PCAT7: variants seen among roughly 807,000 people sequenced by gnomAD.
PCAT7 encodes the protein prostate cancer associated transcript 7.
intron 2 of PCAT7, among the ~76,000 whole-genome samples, chr9:94,561,761 CACAG>C (rs900519633): frequency 5.9e-5 from 9 of 152,158 alleles, no homozygotes; most frequent in Non-Finnish European, 1.3e-4. Context: ...GACACACACA[CACAG>C]AGAGACGTCG....
chr9:94,554,793 AGCTCCAG>A (rs796798447), upstream of PCAT7, among the ~76,000 whole-genome samples: 1 of 152,160 alleles, frequency 6.6e-6, no homozygotes, highest in African/African-American at 2.4e-5. Flanking sequence ...CCAGGCTCCA[AGCTCCAG>A]GCTCCAGGGG....
intron 2 of PCAT7, among the ~76,000 whole-genome samples, chr9:94,565,074 A>G (rs1290300569): frequency 6.6e-6 from 1 of 152,174 alleles, no homozygotes; most frequent in East Asian, 1.9e-4. Flanking sequence ...TTATATGTCA[A>G]TTAAAAATAA....
intron 1 of PCAT7, among the ~76,000 whole-genome samples, chr9:94,557,240 A>T (rs1011640453): frequency 1.1e-4 from 16 of 152,252 alleles, no homozygotes; most frequent in African/African-American, 3.9e-4. Flanking sequence ...TAATTTTAAG[A>T]TTCTTTTTCT....
intron 2 of PCAT7, among the ~76,000 whole-genome samples, chr9:94,562,401 A>G (rs1314498571): frequency 6.6e-6 from 1 of 151,212 alleles, no homozygotes; most frequent in East Asian, 1.9e-4. Flanking sequence ...TTCCTTCAGC[A>G]CCACTTCTGC....
At chr9:94,563,108 G>T (rs533027526) in intron 2 of PCAT7, among the ~76,000 whole-genome samples, 5 of 152,164 alleles carry the variant, frequency 3.3e-5, no homozygotes, top group Admixed American at 6.5e-5. Context: ...GAGGCTGGAG[G>T]GGGTAAGACC....
chr9:94,568,790 C>A (rs187934878), intron 2 of PCAT7: 1 of 152,310 alleles, frequency 6.6e-6, no homozygotes, highest in East Asian at 1.9e-4. Context: ...TCAGTGACTT[C>A]AATCTCTCTG....
chr9:94,562,172 G>A (rs758683050), intron 2 of PCAT7, among the ~76,000 whole-genome samples: 7 of 152,016 alleles, frequency 4.6e-5, no homozygotes, highest in Non-Finnish European at 8.8e-5. Context: ...TTAGCCAGGC[G>A]TGGTGGCGGG....
intron 2 of PCAT7, chr9:94,567,371 T>A (rs1827205524): frequency 6.2e-7 from 1 of 1,614,034 alleles, no homozygotes; most frequent in African/African-American, 1.3e-5. Flanking sequence ...TTCTTAATCT[T>A]GACATCTTTT....
intron 2 of PCAT7, among the ~76,000 whole-genome samples, chr9:94,565,825 A>G (rs945920557): frequency 1.3e-5 from 2 of 152,190 alleles, no homozygotes; most frequent in Non-Finnish European, 2.9e-5. Context: ...GAGCGAGGGC[A>G]GGAGGGAGGG....
At chr9:94,573,024 C>G (rs1396629823) in exon 3 of PCAT7, 1 of 152,150 alleles carries the variant, frequency 6.6e-6, no homozygotes. Flanking sequence ...TCTGCAAGAA[C>G]AGTGTTATTA....
At chr9:94,570,124 T>A (rs549568113) in intron 2 of PCAT7, 1 of 152,348 alleles carries the variant, frequency 6.6e-6, no homozygotes, top group African/African-American at 2.4e-5. Context: ...TGCCCACCTA[T>A]GTCCAGACTG....
chr9:94,555,353 A>C (rs1033351257), intron 1 of PCAT7: 15 of 151,962 alleles, frequency 9.9e-5, no homozygotes, highest in African/African-American at 3.6e-4. Flanking sequence ...GAGGTGGGTA[A>C]AGAGTGTGGT....
upstream of PCAT7, chr9:94,554,968 A>G (rs973860084): frequency 5.9e-5 from 9 of 152,224 alleles, no homozygotes; most frequent in Non-Finnish European, 1.0e-4. Flanking sequence ...GATGAGAGAA[A>G]AACCTCTAGG....
intron 2 of PCAT7, among the ~76,000 whole-genome samples, chr9:94,565,416 A>C (rs1441818072): frequency 6.7e-6 from 1 of 149,918 alleles, no homozygotes; most frequent in Non-Finnish European, 1.5e-5. Flanking sequence ...TTGAGGGTGG[A>C]GTATCTTACA....
At chr9:94,569,664 C>T (rs1013882087) in intron 2 of PCAT7, 3 of 152,208 alleles carry the variant, frequency 2.0e-5, no homozygotes, top group African/African-American at 7.2e-5. Flanking sequence ...GGCTCTCATA[C>T]ACCCTGTTAC....
chr9:94,560,774 T>G (rs1246098565), intron 2 of PCAT7, among the ~76,000 whole-genome samples: 1 of 148,336 alleles, frequency 6.7e-6, no homozygotes, highest in Non-Finnish European at 1.5e-5. Context: ...TGTTATTATA[T>G]ATTTTTTCTA....
Position 94,565,974 on chromosome 9 carries a change from T to G in PCAT7, n.441+6822T>G, listed in dbSNP as rs74418004. 7.8e-3 allele frequency among the ~76,000 whole-genome samples: 1,182 copies of G among 152,262 alleles called. 20 individuals carry two copies. The highest frequency in any genetic ancestry group is 0.027 in the African/African-American group (1,133 of 41,544). On this transcript the variant is annotated intron_variant and non_coding_transcript_variant, in intron 2 of 8. Transcript: ENST00000647389. ...CATCCTTGGCCCACATCTGCTTATT[T>G]TGAGAGTGTTCTGAGAAAGCCACAG...
intron 2 of PCAT7, chr9:94,569,916 G>A (rs1827248416): frequency 6.6e-6 from 1 of 152,204 alleles, no homozygotes; most frequent in African/African-American, 2.4e-5. Flanking sequence ...CGCCTTCCAT[G>A]GCATTTCTAT....
chr9:94,567,195 C>A, intron 2 of PCAT7: 7 of 1,522,976 alleles, frequency 4.6e-6, no homozygotes, highest in Non-Finnish European at 5.4e-6. Context: ...CAGCAAAGCC[C>A]CTGAAGCCAC....
Sources: allele counts gnomAD v4.1 joint callset (sites outside exome capture counted in the v4.1 genomes callset), GRCh38; gene constraint gnomAD v4.1.1; transcripts MANE v1.5; gene names NCBI Gene and HGNC (gene_info 2026-07-23, HGNC 2026-07-21).